The following GARNL3 variants were observed in gnomAD, a reference collection of about 807,000 sequenced individuals.
GARNL3 encodes the protein GTPase activating Rap/RanGAP domain like 3, also known as GTPase-activating Rap/Ran-GAP domain-like protein 3.
GARNL3 carries 63 observed loss-of-function variants against 125.0 expected under a neutral mutation model. The ratio of observed to expected loss-of-function variants is 0.50; its 90% CI spans 0.41 to 0.62. The LOEUF is 0.62. Among genes scored for constraint, GARNL3 ranks in the 20% least tolerant of loss-of-function variants. The probability of loss-of-function intolerance (pLI) is 0.00; values close to 1 mark genes in which losing one functional copy is unlikely to be tolerated. For missense variants in GARNL3, 994 were observed against 1,244.0 expected, an observed-to-expected ratio of 0.80 and a Z score of 3.02; for synonymous variants, 439 against 457.5, an observed-to-expected ratio of 0.96 and a Z score of 0.52.
At chr9:127,273,414 A>G (rs1361757893) in intron 1 of GARNL3, among the ~76,000 whole-genome samples, 2 of 152,244 alleles carry the variant, frequency 1.3e-5, no homozygotes, top group Non-Finnish European at 2.9e-5. Context: ...CCATTCCAAC[A>G]TATAATTTCA....
rs565777770 is a variant in GARNL3 at position 127,378,253 on chromosome 9, A to G, written c.2162-5185A>G. Among the ~76,000 whole-genome samples the G allele has an allele frequency of 4.9e-4, 75 of 151,944 alleles. 2 individuals are homozygous for G. In the East Asian group the frequency reaches 0.011, roughly 22 times the overall value. On this transcript the variant is annotated intron_variant, in intron 22 of 27. Transcript: ENST00000373387. ...AGCAAGACTCTGTCTCAAAAAAAAA[A>G]AAAAAAAAATCATTAACATAAAAAG... is the stretch of plus-strand genomic sequence containing the variant.
Position 127,389,067 on chromosome 9 carries a change from G to A in GARNL3, c.2691G>A (p.Leu897=). ...AAIPVTHSLS[L]SRMEIKEIAS... ...TTCCAGTCACGCACTCCTTGTCCCT[G>A]TCTCGCATGGAGATCAAAGAAATAG... Residue 897 remains leucine (L), a synonymous_variant, in exon 26 of 28, where the codon CTG becomes CTA. Coordinates refer to ENST00000373387, the MANE Select transcript of GARNL3 (RefSeq NM_032293.5). 2 of 1,614,146 alleles carry A rather than the reference G, an allele frequency of 1.2e-6. No homozygotes were observed. Among genetic ancestry groups the A allele is most frequent in the Non-Finnish European group, 1.7e-6 (2 of 1,180,020 alleles).
intron 2 of GARNL3, among the ~76,000 whole-genome samples, chr9:127,252,704 A>G (rs2063427501): frequency 6.6e-6 from 1 of 152,204 alleles, no homozygotes; most frequent in Admixed American, 6.5e-5. Context: ...TTCAAGTTCT[A>G]TATTTTCTGT....
At chr9:127,305,552 T>G (rs1162222584) in intron 2 of GARNL3, among the ~76,000 whole-genome samples, 1 of 151,910 alleles carries the variant, frequency 6.6e-6, no homozygotes, top group African/African-American at 2.4e-5. Flanking sequence ...TAGGTAACTT[T>G]TATTTTAATT....
Position 127,339,726 on chromosome 9 carries a change from A to G in GARNL3, c.1110A>G (p.Glu370=). 1.2e-6 allele frequency: 2 copies of G among 1,613,014 alleles called. No individual in the cohort carries two copies. Among genetic ancestry groups the G allele is most frequent in the Non-Finnish European group, 1.7e-6 (2 of 1,178,946 alleles). The part of the protein sequence containing the change: ...PTPPVFTDHQ[E]FRDFLLVKLI... ...CACCAGTGTTTACAGACCACCAGGAATTCAGGGACTTTTTGCTAGTGAAAT... is the reference window on the plus strand; with the variant it reads ...CACCAGTGTTTACAGACCACCAGGAGTTCAGGGACTTTTTGCTAGTGAAAT... The change falls in exon 13 of 28, where the codon GAA becomes GAG. Residue 370 remains glutamate (E), a synonymous_variant. Transcript: ENST00000373387.
chr9:127,285,182 G>A (rs956903900), intron 1 of GARNL3, among the ~76,000 whole-genome samples: 5 of 152,016 alleles, frequency 3.3e-5, no homozygotes, highest in Admixed American at 2.0e-4. Context: ...CTCATGCCTC[G>A]GCACTTTGGG....
intron 21 of GARNL3, among the ~76,000 whole-genome samples, chr9:127,359,445 G>A (rs1036148037): frequency 1.3e-5 from 2 of 152,048 alleles, no homozygotes; most frequent in South Asian, 2.1e-4. Context: ...AGCCAAGATC[G>A]TGCCACTGCA....
chr9:127,310,517 C>T (rs2065064491), intron 2 of GARNL3, among the ~76,000 whole-genome samples: 3 of 152,124 alleles, frequency 2.0e-5, no homozygotes, highest in South Asian at 4.1e-4. Flanking sequence ...CGTAGTGGCT[C>T]ACACCTGTAA....
chr9:127,348,289 C>T (rs1422882932), intron 16 of GARNL3, among the ~76,000 whole-genome samples: 1 of 152,130 alleles, frequency 6.6e-6, no homozygotes, highest in Admixed American at 6.5e-5. Context: ...CTCTAAGGCT[C>T]CCCCTTTATG....
chr9:127,365,424 C>G (rs1181635051), intron 22 of GARNL3, 58 bp downstream of exon 22: 1 of 1,144,298 alleles, frequency 8.7e-7, no homozygotes, highest in African/African-American at 1.6e-5. Flanking sequence ...TTTTTTTTTT[C>G]TGGGCAATTT....
chr9:127,347,794 T>C (rs1017998272), intron 16 of GARNL3, among the ~76,000 whole-genome samples: 2 of 152,234 alleles, frequency 1.3e-5, no homozygotes, highest in African/African-American at 4.8e-5. Context: ...CTTTTTTCCA[T>C]TTACAAAATG....
chr9:127,328,919 G>A (rs1170767957), intron 7 of GARNL3, among the ~76,000 whole-genome samples: 1 of 152,192 alleles, frequency 6.6e-6, no homozygotes, highest in African/African-American at 2.4e-5. Context: ...GAATGTCTGA[G>A]CAAGACTTAC....
At chr9:127,240,760 T>C (rs1441699833) in intron 1 of GARNL3, among the ~76,000 whole-genome samples, 1 of 151,876 alleles carries the variant, frequency 6.6e-6, no homozygotes, top group East Asian at 1.9e-4. Flanking sequence ...TTTAAAAAAT[T>C]AGCCAGATGT....
intron 24 of GARNL3, among the ~76,000 whole-genome samples, chr9:127,386,895 T>C (rs925462144): frequency 2.0e-5 from 3 of 152,336 alleles, no homozygotes; most frequent in South Asian, 4.1e-4. Flanking sequence ...GTTAGGGAAG[T>C]GTGTGCTGTG....
At chr9:127,361,586 G>A (rs1164174366) in intron 21 of GARNL3, 3 of 152,234 alleles carry the variant, frequency 2.0e-5, no homozygotes, top group Non-Finnish European at 2.9e-5. Context: ...GTTAATAAAG[G>A]TCTGAATAAT....
At chr9:127,390,587 G>T in intron 26 of GARNL3, 54 bp from the exon 27 acceptor site, 1 of 1,577,700 alleles carries the variant, frequency 6.3e-7, no homozygotes, top group Non-Finnish European at 8.6e-7. Context: ...GGTCTTTTCT[G>T]TCTCCGTGGC....
chr9:127,377,792 CAAAA>C (rs56965235), intron 22 of GARNL3, among the ~76,000 whole-genome samples: 2 of 67,488 alleles, frequency 3.0e-5, no homozygotes, highest in African/African-American at 5.3e-5. Flanking sequence ...GACTCCGTCT[CAAAA>C]AAAAAAAAAA....
chr9:127,304,176 A>T (rs955594609), intron 2 of GARNL3, among the ~76,000 whole-genome samples: 6 of 152,192 alleles, frequency 3.9e-5, no homozygotes, highest in Admixed American at 3.3e-4. Context: ...TGTCACCTTA[A>T]ACTCCTATAG....
intron 2 of GARNL3, among the ~76,000 whole-genome samples, chr9:127,302,390 A>G (rs757041685): frequency 6.6e-6 from 1 of 152,198 alleles, no homozygotes; most frequent in Non-Finnish European, 1.5e-5. Context: ...ATAGGAAAAA[A>G]ACTGGAAACA....
Sources: gnomAD v4.1 joint callset for allele counts (sites outside exome capture counted in the v4.1 genomes callset) on GRCh38, gnomAD v4.1.1 for gene constraint, MANE v1.5 for transcripts, NCBI Gene and HGNC (gene_info 2026-07-23, HGNC 2026-07-21) for gene names.